The following NEK11 variants were observed in gnomAD, a reference collection of about 807,000 sequenced individuals.
The protein encoded by NEK11 is serine/threonine-protein kinase Nek11.
In NEK11, 72 loss-of-function variants were observed where a neutral mutation model predicts 80.7. The observed-to-expected ratio is 0.89, with a 90% CI of 0.74 to 1.08. The LOEUF (loss-of-function observed/expected upper bound fraction) is 1.08. Among genes scored for constraint, NEK11 ranks in the 50% least tolerant of loss-of-function variants. The pLI, the probability that NEK11 is intolerant of heterozygous loss-of-function variation, is 0.00. For missense variants in NEK11, 764 were observed against 763.6 expected, an observed-to-expected ratio of 1.00 and a Z score of -0.01; for synonymous variants, 251 against 260.7, an observed-to-expected ratio of 0.96 and a Z score of 0.36.
chr3:131,309,446 A>G lies in NEK11; in HGVS notation c.1718+35872A>G, dbSNP rs116613074. On this transcript the variant is annotated intron_variant, in intron 17 of 17. Coordinates refer to ENST00000383366, the MANE Select transcript of NEK11 (RefSeq NM_024800.5). ...GTAAAATGGATCTTCTACTGTCAGA[A>G]GCATATATGTCTTAAAACAACCTCC... is the stretch of plus-strand genomic sequence containing the variant. Among the ~76,000 whole-genome samples, 1,492 of 152,258 alleles carry G rather than the reference A, an allele frequency of 9.8e-3. 20 individuals carry two copies. The highest frequency in any genetic ancestry group is 0.032 in the African/African-American group (1,333 of 41,534).
intron 3 of NEK11, among the ~76,000 whole-genome samples, chr3:131,042,659 G>A (rs1056550786): frequency 6.6e-6 from 1 of 152,196 alleles, no homozygotes; most frequent in Non-Finnish European, 1.5e-5. Context: ...AGAGCACCTG[G>A]GGGAAGGGGC....
intron 3 of NEK11, among the ~76,000 whole-genome samples, chr3:131,045,623 T>C (rs2067263752): frequency 6.6e-6 from 1 of 152,196 alleles, no homozygotes; most frequent in South Asian, 2.1e-4. Flanking sequence ...AGAATGTATA[T>C]TCTATAGTTG....
chr3:131,337,420 A>T (rs995967524), intron 17 of NEK11, among the ~76,000 whole-genome samples: 5 of 151,384 alleles, frequency 3.3e-5, no homozygotes, highest in African/African-American at 1.2e-4. Flanking sequence ...AACAATGAGA[A>T]CACATGGACA....
intron 5 of NEK11, among the ~76,000 whole-genome samples, chr3:131,127,060 T>C (rs1424743670): frequency 2.8e-5 from 4 of 144,768 alleles, no homozygotes; most frequent in Admixed American, 7.1e-5. Flanking sequence ...CCGCCTCCCA[T>C]GTTCAAGCAA....
intron 14 of NEK11, among the ~76,000 whole-genome samples, chr3:131,213,482 A>G (rs973762148): frequency 6.6e-6 from 1 of 152,210 alleles, no homozygotes; most frequent in Non-Finnish European, 1.5e-5. Context: ...GTGCATTCCA[A>G]TGTACATGAC....
At chr3:131,212,297 G>C (rs1296768740) in intron 14 of NEK11, among the ~76,000 whole-genome samples, 1 of 152,216 alleles carries the variant, frequency 6.6e-6, no homozygotes, top group African/African-American at 2.4e-5. Flanking sequence ...ACCAGCGGAG[G>C]CTGCAGAACA....
intron 14 of NEK11, among the ~76,000 whole-genome samples, chr3:131,182,992 G>C (rs1340710162): frequency 6.6e-5 from 10 of 152,072 alleles, no homozygotes; most frequent in Admixed American, 6.6e-5. Flanking sequence ...TGCATAAGCA[G>C]TTGCTTATGA....
intron 17 of NEK11, among the ~76,000 whole-genome samples, chr3:131,344,921 A>C (rs2097339360): frequency 6.6e-6 from 1 of 152,206 alleles, no homozygotes; most frequent in Non-Finnish European, 1.5e-5. Context: ...TGGAGATTAC[A>C]ATTCAACATG....
intron 14 of NEK11, among the ~76,000 whole-genome samples, chr3:131,172,645 C>T (rs1005263154): frequency 6.6e-5 from 10 of 152,076 alleles, no homozygotes; most frequent in African/African-American, 2.4e-4. Context: ...ATAGAAATAT[C>T]CCATGGACTT....
chr3:131,136,995 T>C (rs768951132), intron 7 of NEK11, among the ~76,000 whole-genome samples: 3 of 152,202 alleles, frequency 2.0e-5, no homozygotes, highest in Non-Finnish European at 2.9e-5. Context: ...ATTTACTTTG[T>C]TGTGAGAACC....
intron 3 of NEK11, among the ~76,000 whole-genome samples, chr3:131,073,108 C>A (rs2148943242): frequency 6.6e-6 from 1 of 152,292 alleles, no homozygotes; most frequent in Middle Eastern, 3.4e-3. Flanking sequence ...TCTATTCTTG[C>A]ACTGACACAA....
intron 3 of NEK11, among the ~76,000 whole-genome samples, chr3:131,052,913 T>C (rs148119852): frequency 6.6e-6 from 1 of 152,194 alleles, no homozygotes; most frequent in African/African-American, 2.4e-5. Flanking sequence ...TGAAGAACTC[T>C]TCAGATCCTT....
At chr3:131,323,602 A>G (rs2096921410) in intron 17 of NEK11, among the ~76,000 whole-genome samples, 1 of 152,246 alleles carries the variant, frequency 6.6e-6, no homozygotes, top group African/African-American at 2.4e-5. Flanking sequence ...AAGGCATTGT[A>G]TGAATATGTT....
intron 10 of NEK11, among the ~76,000 whole-genome samples, chr3:131,161,240 G>C (rs1303373923): frequency 6.6e-6 from 1 of 152,078 alleles, no homozygotes; most frequent in African/African-American, 2.4e-5. Context: ...TGGTGGAAGT[G>C]TAAATTAGTT....
intron 5 of NEK11, among the ~76,000 whole-genome samples, chr3:131,120,463 T>A (rs764241502): frequency 2.0e-5 from 3 of 152,180 alleles, no homozygotes; most frequent in Non-Finnish European, 4.4e-5. Flanking sequence ...GGCTTGGAGT[T>A]GCTCGTCTTG....
chr3:131,350,364 T>C lies in NEK11; in HGVS notation c.*588T>C, dbSNP rs2097432153. 2 of 152,328 alleles carry C rather than the reference T, an allele frequency of 1.3e-5. No homozygotes were observed. Among genetic ancestry groups the C allele is most frequent in the Non-Finnish European group, 2.9e-5 (2 of 68,118 alleles). 9.4% of individuals were successfully genotyped at this position (152,328 alleles called of 1,614,324 possible). A position where few individuals can be genotyped will look rare whatever the true frequency, so the allele number is the denominator to read the frequency against. On this transcript the variant is annotated 3_prime_UTR_variant, in exon 18 of 18. Transcript: ENST00000383366. ...AAATCCAAAAAGTGATTCTCTTCTATGATTTATTTCAAACTCATCCATAGA... is the reference window on the plus strand; with the variant it reads ...AAATCCAAAAAGTGATTCTCTTCTACGATTTATTTCAAACTCATCCATAGA...
At chr3:131,125,180 T>G (rs8179955) in intron 5 of NEK11, among the ~76,000 whole-genome samples, 65,632 of 152,040 alleles carry the variant, frequency 0.43, 16,770 homozygotes, top group Middle Eastern at 0.66. Flanking sequence ...ATATGCTGAT[T>G]TTATAGGCCC....
chr3:131,336,784 C>A (rs1190731998), intron 17 of NEK11, among the ~76,000 whole-genome samples: 2 of 152,002 alleles, frequency 1.3e-5, no homozygotes, highest in Non-Finnish European at 2.9e-5. Flanking sequence ...AAAAAACAAC[C>A]GCATCAAAAA....
chr3:131,161,108 G>A (rs1221922961), intron 10 of NEK11, among the ~76,000 whole-genome samples: 2 of 143,072 alleles, frequency 1.4e-5, no homozygotes, highest in Non-Finnish European at 3.0e-5. Flanking sequence ...CCGAAATCGT[G>A]CCACCGCACT....
Sources: gnomAD v4.1 joint callset for allele counts (sites outside exome capture counted in the v4.1 genomes callset) on GRCh38, gnomAD v4.1.1 for gene constraint, MANE v1.5 for transcripts, NCBI Gene and HGNC (gene_info 2026-07-23, HGNC 2026-07-21) for gene names.